Variants in CIITA observed in about 807,000 individuals in gnomAD.
CIITA encodes the protein MHC class II transactivator.
CIITA carries 72 observed loss-of-function variants against 115.1 expected under a neutral mutation model. That is an observed-to-expected ratio of 0.63 (90% CI 0.52 to 0.76). CIITA has a LOEUF of 0.76. Ranked by LOEUF, CIITA falls within the 30% of genes least tolerant of loss-of-function variation. CIITA has a pLI of 0.00. For missense variants in CIITA, 1,617 were observed against 1,463.8 expected (o/e 1.10, Z -1.71); for synonymous variants, 763 against 635.6 (o/e 1.20, Z -3.02).
chr16:10,924,162 G>C lies in CIITA; in HGVS notation c.*307G>C, dbSNP rs112026375. The C allele has an allele frequency of 6.6e-6, 1 of 152,436 alleles. No homozygotes were observed. Among genetic ancestry groups the C allele is most frequent in the Middle Eastern group, 3.4e-3 (1 of 298 alleles). 9.4% of individuals were successfully genotyped at this position (152,436 alleles called of 1,614,324 possible). A position where few individuals can be genotyped will look rare whatever the true frequency, so the allele number is the denominator to read the frequency against. Reference sequence around the variant, plus strand: ...TCTGAAGGACATTGCGGACAGCCACGGCCAGGCCAGAGGGAGTGACAGAGG... The same window carrying C: ...TCTGAAGGACATTGCGGACAGCCACCGCCAGGCCAGAGGGAGTGACAGAGG... On this transcript the variant is annotated 3_prime_UTR_variant, in exon 20 of 20. Transcript: ENST00000324288.
rs1030330045 is a variant in CIITA, at chr16:10,902,826, A to T, written c.772+25A>T. ...GGTGAGTGCGGGGCCTGGCTCCCCG[A>T]CCACCTCTCCCTCCTACCTGACTGC... On this transcript the variant is annotated intron_variant, in intron 8 of 19. Coordinates refer to ENST00000324288, the MANE Select transcript of CIITA (RefSeq NM_000246.4). 3.7e-6 allele frequency: 6 copies of T among 1,613,426 alleles called. No individual in the cohort carries two copies. In the African/African-American group the frequency reaches 5.3e-5, roughly 14 times the overall value.
rs2144285015 is a variant in CIITA, at chr16:10,895,427, A to G, written c.198A>G (p.Ser66=). 2 of 1,613,584 alleles carry G rather than the reference A, an allele frequency of 1.2e-6. No homozygotes were observed. Among genetic ancestry groups the G allele is most frequent in the East Asian group, 2.2e-5 (1 of 44,880 alleles). ...GAGAAGAAGAGATTGAGCTCTACTC[A>G]GGTGGGCCCTCCTCCCTCTGGTCTC... The part of the protein sequence containing the change: ...LAGEEEIELY[S]EPDTDTINCD... Residue 66 remains serine (S), a splice_region_variant and synonymous_variant, in exon 2 of 20, where the codon TCA becomes TCG. Coordinates refer to ENST00000324288, the MANE Select transcript of CIITA (RefSeq NM_000246.4).
chr16:10,914,273 A>G (rs928108314), intron 13 of CIITA, among the ~76,000 whole-genome samples: 2 of 152,178 alleles, frequency 1.3e-5, no homozygotes, highest in Non-Finnish European at 1.5e-5. Context: ...GGGTGAAGGG[A>G]TTTGCCAAGG....
At position 10,877,303 on chromosome 16, in the gene CIITA, G is replaced by C. The variant is rs370949865; in HGVS notation, c.-28G>C. The C allele has an allele frequency of 1.1e-5, 17 of 1,609,198 alleles. No homozygotes were observed. The African/African-American group carries it at 2.1e-4, about 20-fold the overall frequency. ...GAGGAGGGGCTGCCAGACTCCGGGAGCTGCTGCCTGGCTGGGATTCCTACA... is the reference window on the plus strand; with the variant it reads ...GAGGAGGGGCTGCCAGACTCCGGGACCTGCTGCCTGGCTGGGATTCCTACA... On this transcript the variant is annotated 5_prime_UTR_variant, in exon 1 of 20. Transcript: ENST00000324288.
chr16:10,914,981 C>T (rs1277987001), intron 13 of CIITA: 14 of 446,554 alleles, frequency 3.1e-5, no homozygotes, highest in Middle Eastern at 3.3e-4. Flanking sequence ...TAAGAACTGG[C>T]TCCCTACTTA....
chr16:10,908,641 A>T (rs2039343391), intron 11 of CIITA: 1 of 450,030 alleles, frequency 2.2e-6, no homozygotes, highest in African/African-American at 2.0e-5. Flanking sequence ...CACCACTGTC[A>T]GGATGAAGGC....
chr16:10,867,025 C>A (rs1488886882), intron 1 of CIITA, among the ~76,000 whole-genome samples: 4 of 152,160 alleles, frequency 2.6e-5, no homozygotes, highest in Admixed American at 1.3e-4. Flanking sequence ...GCAGGTGGAT[C>A]ACCTGAGATC....
chr16:10,896,280 C>T (rs963322392), intron 3 of CIITA, among the ~76,000 whole-genome samples: 5 of 152,166 alleles, frequency 3.3e-5, no homozygotes, highest in African/African-American at 4.8e-5. Flanking sequence ...AGAGGTGAAA[C>T]GACCTACCCA....
At chr16:10,921,450 G>A (rs972818818) in intron 16 of CIITA, among the ~76,000 whole-genome samples, 29 of 152,296 alleles carry the variant, frequency 1.9e-4, no homozygotes, top group African/African-American at 7.0e-4. Flanking sequence ...CCTCACCAAT[G>A]TTCCTGTGAT....
intron 1 of CIITA, among the ~76,000 whole-genome samples, chr16:10,871,023 C>T (rs1208036736): frequency 6.6e-6 from 1 of 152,224 alleles, no homozygotes; most frequent in Non-Finnish European, 1.5e-5. Flanking sequence ...TGGCCCCTGC[C>T]CTCGAGTTGA....
upstream of CIITA, among the ~76,000 whole-genome samples, chr16:10,873,634 T>C (rs1286162596): frequency 1.3e-5 from 2 of 152,010 alleles, no homozygotes; most frequent in African/African-American, 4.8e-5. Context: ...AGAATCTGTT[T>C]TGGGAGACTG....
At chr16:10,898,901 G>A in intron 4 of CIITA, 24 bp from the exon 5 acceptor site, 1 of 1,613,040 alleles carries the variant, frequency 6.2e-7, no homozygotes. Flanking sequence ...TGTGTGAGTT[G>A]GTCTCTGGTT....
At position 10,902,677 on chromosome 16, in the gene CIITA, G is replaced by C. The variant is rs374843831; in HGVS notation, c.648G>C (p.Ser216=). ...DQIPMPFSSS[S]LSCLNLPEGP... ...TTGCAGTGCCTTTCTCCAGTTCCTCGTTGAGCTGCCTGAATCTCCCTGAGG... is the reference window on the plus strand; with the variant it reads ...TTGCAGTGCCTTTCTCCAGTTCCTCCTTGAGCTGCCTGAATCTCCCTGAGG... The change falls in exon 8 of 20, where the codon TCG becomes TCC. Residue 216 remains serine (S), a synonymous_variant. Transcript: ENST00000324288. The C allele has an allele frequency of 6.2e-7, 1 of 1,614,176 alleles. No homozygotes were observed. Among genetic ancestry groups the C allele is most frequent in the Non-Finnish European group, 8.5e-7 (1 of 1,180,034 alleles).
intron 3 of CIITA, among the ~76,000 whole-genome samples, chr16:10,898,267 T>A (rs955795782): frequency 2.0e-5 from 3 of 152,062 alleles, no homozygotes; most frequent in African/African-American, 7.2e-5. Context: ...ATTATCACCA[T>A]CGATTCCTGG....
rs779968345 is a variant in CIITA at position 10,906,490 on chromosome 16, C to A, written c.1007-9C>A. The A allele has an allele frequency of 3.7e-6, 6 of 1,611,516 alleles. No individual in the cohort carries two copies. The highest frequency in any genetic ancestry group is 4.2e-6 in the Non-Finnish European group (5 of 1,179,818). ...TACCCCCACCCTGACACGCCCCTGG[C>A]CTTTGCAGAGCCGGTGGAGCAGTTC... On this transcript the variant is annotated splice_polypyrimidine_tract_variant and intron_variant, in intron 10 of 19. Transcript: ENST00000324288.
Position 10,915,691 on chromosome 16 carries a change from G to C in CIITA, c.2969+41G>C, listed in dbSNP as rs529891799. ...GGGACCCCTTCCTCTCAACATCTGG[G>C]TGCAGTGCTGTGATCATAGCTCACT... On this transcript the variant is annotated intron_variant, in intron 14 of 19. Transcript: ENST00000324288. 1.1e-5 allele frequency: 16 copies of C among 1,522,248 alleles called. No homozygotes were observed. In the Admixed American group the frequency reaches 2.2e-4, roughly 21 times the overall value. The allele number at this position is 1,522,248 out of a possible 1,614,324, so 94.3% of individuals were successfully genotyped here.
At chr16:10,895,622 C>T in intron 2 of CIITA, 47 bp from the exon 3 acceptor site, 1 of 1,611,332 alleles carries the variant, frequency 6.2e-7, no homozygotes. Flanking sequence ...CCCACCAGCC[C>T]TCTTTCCAGA....
At position 10,924,078 on chromosome 16, in the gene CIITA, GC is replaced by G. The variant is rs1220552521; in HGVS notation, c.*226del. The stretch of plus-strand genomic sequence containing the variant: ...AGGCCCGGCTCCAGGCTCCTTTAGC[GC>G]CCAGTTGGGTGGATGCCTGGTGGCA... On this transcript the variant is annotated 3_prime_UTR_variant, in exon 20 of 20. Transcript: ENST00000324288. The G allele has an allele frequency of 1.3e-5, 2 of 152,578 alleles. No individual in the cohort carries two copies. The highest frequency in any genetic ancestry group is 3.8e-4 in the East Asian group (2 of 5,214). 9.5% of individuals were successfully genotyped at this position (152,578 alleles called of 1,614,324 possible).
In CIITA at chr16:10,941,772, C is replaced by G. The variant is rs1335556329; in HGVS notation, n.898C>G. 5 of 1,613,480 alleles carry G rather than the reference C, an allele frequency of 3.1e-6. No homozygotes were observed. The highest frequency in any genetic ancestry group is 3.4e-6 in the Non-Finnish European group (4 of 1,179,736). On this transcript the variant is annotated non_coding_transcript_exon_variant, in exon 2 of 2. Transcript: ENST00000573379. This position sits in a 1 kb window ranked among gnomAD's most constrained non-coding sequence, Gnocchi z 6.4. ...GCTCCGAGTCAGCATCGTAAAGGCC[C>G]GAGCCGGGGTCGGAGAGCACGCCGA...
Sources: allele counts gnomAD v4.1 joint callset (sites outside exome capture counted in the v4.1 genomes callset), GRCh38; gene constraint gnomAD v4.1.1; non-coding constraint Gnocchi (gnomAD v3.1); transcripts MANE v1.5; gene names NCBI Gene and HGNC (gene_info 2026-07-23, HGNC 2026-07-21).